HNRNPC: variants seen among roughly 807,000 people sequenced by gnomAD.
HNRNPC encodes heterogeneous nuclear ribonucleoproteins C1/C2.
HNRNPC carries 3 observed loss-of-function variants against 33.2 expected under a neutral mutation model. The ratio of observed to expected loss-of-function variants is 0.09; its 90% CI spans 0.04 to 0.23. The LOEUF (loss-of-function observed/expected upper bound fraction) is 0.23. HNRNPC is among the 10% of genes least tolerant of loss of function. The probability of loss-of-function intolerance (pLI) is 1.00; values close to 1 mark genes in which losing one functional copy is unlikely to be tolerated. For synonymous variants in HNRNPC, 121 were observed against 126.7 expected (o/e 0.96, Z 0.30); for missense variants, 143 against 366.7 (o/e 0.39, Z 4.98).
chr14:21,251,260 C>CAAAAA (rs71419116), intron 2 of HNRNPC, among the ~76,000 whole-genome samples: 29 of 49,452 alleles, frequency 5.9e-4, no homozygotes, highest in African/African-American at 1.3e-3. Context: ...GACTCCCTCT[C>CAAAAA]AAAAAAAAAA....
rs1279113981 is a variant in HNRNPC at position 21,251,285 on chromosome 14, G to T, written c.-37+12026C>A. ...CAAAAAAAAAAAAAAAAAAAAAAAA[G>T]ACTTCATTTCCTTGTTATCTTACAG... On this transcript the variant is annotated intron_variant, in intron 2 of 8. Transcript: ENST00000553300. Among the ~76,000 whole-genome samples, 7 of 66,556 alleles carry T rather than the reference G, an allele frequency of 1.1e-4. No individual in the cohort carries two copies. The East Asian group carries it at 2.3e-3, about 22-fold the overall frequency. The allele number at this position is 66,556 out of a possible 152,430, so 43.7% of individuals were successfully genotyped here. A position where few individuals can be genotyped will look rare whatever the true frequency, so the allele number is the denominator to read the frequency against.
In HNRNPC at chr14:21,219,191, TAAG is replaced by T. The variant is rs1233100383; in HGVS notation, c.366-6077_366-6075del. ...TTCTCATTTTATCAACATAGAAGAG[TAAG>T]AAGTTCTTTCACTTACAATAAAATT... On this transcript the variant is annotated intron_variant, in intron 5 of 8. Coordinates refer to ENST00000553300, the MANE Select transcript of HNRNPC (RefSeq NM_004500.4). Among the ~76,000 whole-genome samples the T allele has an allele frequency of 3.3e-5, 5 of 150,304 alleles. No individual in the cohort carries two copies. The South Asian group carries it at 6.3e-4, about 19-fold the overall frequency.
chr14:21,218,646 C>T (rs1230856086), intron 5 of HNRNPC, among the ~76,000 whole-genome samples: 3 of 122,616 alleles, frequency 2.4e-5, no homozygotes, highest in African/African-American at 9.7e-5. Context: ...CGCACCACTG[C>T]ATTCCAGCCT....
At chr14:21,249,593 C>CAAAAAAAAAA (rs756880620) in intron 2 of HNRNPC, among the ~76,000 whole-genome samples, 100 of 83,304 alleles carry the variant, frequency 1.2e-3, no homozygotes, top group East Asian at 3.3e-3. Context: ...GTCTCAAAAA[C>CAAAAAAAAAA]AAAAAAAAAA....
chr14:21,230,040 C>A (rs1331739624), intron 5 of HNRNPC, among the ~76,000 whole-genome samples: 1 of 152,168 alleles, frequency 6.6e-6, no homozygotes, highest in African/African-American at 2.4e-5. Flanking sequence ...CCAAAGCCAC[C>A]CATAACCCAG....
At chr14:21,267,240 C>T (rs1384555591) in intron 1 of HNRNPC, among the ~76,000 whole-genome samples, 2 of 151,986 alleles carry the variant, frequency 1.3e-5, no homozygotes, top group African/African-American at 4.8e-5. Context: ...TCTAAGTCCC[C>T]TTATTTGCCT....
chr14:21,254,127 G>C (rs1181197427), intron 2 of HNRNPC, among the ~76,000 whole-genome samples: 2 of 150,298 alleles, frequency 1.3e-5, no homozygotes, highest in Non-Finnish European at 2.9e-5. Context: ...GCATACCCTT[G>C]AATAATTATA....
Position 21,233,679 on chromosome 14 carries a change from G to C in HNRNPC, c.241+274C>G, listed in dbSNP as rs148319445. ...GCTGTGGGCAGGACACAACCATTTA[G>C]GCAACGTTTTTACATTGTGAAGTGT... On this transcript the variant is annotated intron_variant, in intron 3 of 8. Transcript: ENST00000553300. 8.0e-3 allele frequency among the ~76,000 whole-genome samples: 1,216 copies of C among 152,228 alleles called. 20 individuals are homozygous for C. The highest frequency in any genetic ancestry group is 0.028 in the African/African-American group (1,159 of 41,532).
intron 2 of HNRNPC, among the ~76,000 whole-genome samples, chr14:21,237,400 A>C (rs548736836): frequency 1.8e-4 from 27 of 152,332 alleles, no homozygotes; most frequent in African/African-American, 6.5e-4. Context: ...AAGAATCCAC[A>C]GTATTAACTT....
At chr14:21,228,594 A>T (rs1396553758) in intron 5 of HNRNPC, among the ~76,000 whole-genome samples, 2 of 151,914 alleles carry the variant, frequency 1.3e-5, no homozygotes, top group Non-Finnish European at 2.9e-5. Flanking sequence ...GGGTTCCACC[A>T]TATTGCCCAG....
chr14:21,254,894 C>A (rs1049955481), intron 2 of HNRNPC, among the ~76,000 whole-genome samples: 3 of 151,062 alleles, frequency 2.0e-5, no homozygotes, highest in Non-Finnish European at 4.4e-5. Context: ...TGCACTCCAG[C>A]CTGGGCAACA....
intron 3 of HNRNPC, 66 bp from the exon 4 acceptor site, chr14:21,231,138 AT>A (rs1288341006): frequency 6.2e-5 from 91 of 1,460,984 alleles, no homozygotes; most frequent in Non-Finnish European, 7.9e-5. Flanking sequence ...TACAAAGTTT[AT>A]TTTTTTTATT....
intron 3 of HNRNPC, chr14:21,231,443 AC>A (rs1894104230): frequency 4.8e-5 from 22 of 456,956 alleles, no homozygotes; most frequent in South Asian, 3.3e-4. Context: ...TACAGCCTAG[AC>A]CTCCGAAGCT....
intron 5 of HNRNPC, among the ~76,000 whole-genome samples, chr14:21,227,212 A>T (rs181992904): frequency 1.3e-4 from 20 of 150,994 alleles, no homozygotes; most frequent in South Asian, 6.3e-4. Flanking sequence ...CTAAACAAAC[A>T]CTCCTCCTCC....
intron 2 of HNRNPC, among the ~76,000 whole-genome samples, chr14:21,245,084 C>CAAAAAAAAAAAAAAAAAA (rs71112560): frequency 1.8e-5 from 1 of 54,624 alleles, no homozygotes; most frequent in African/African-American, 6.4e-5. Context: ...GACTCCATCT[C>CAAAAAAAAAAAAAAAAAA]AAAAAAAAAA....
At chr14:21,248,086 C>CA (rs930451170) in intron 2 of HNRNPC, among the ~76,000 whole-genome samples, 17 of 151,966 alleles carry the variant, frequency 1.1e-4, no homozygotes, top group Non-Finnish European at 2.4e-4. Context: ...AGAGTATAAA[C>CA]AAAAAACTTT....
At chr14:21,255,304 A>T (rs182737300) in intron 2 of HNRNPC, among the ~76,000 whole-genome samples, 1 of 152,342 alleles carries the variant, frequency 6.6e-6, no homozygotes, top group African/African-American at 2.4e-5. Flanking sequence ...TAATTAGAAA[A>T]CAGGAAGAAT....
chr14:21,241,008 C>T (rs984941251), intron 2 of HNRNPC, among the ~76,000 whole-genome samples: 14 of 152,126 alleles, frequency 9.2e-5, no homozygotes, highest in Non-Finnish European at 1.5e-4. Flanking sequence ...CGAAGGCTCA[C>T]GCCTGTAATC....
At chr14:21,238,345 G>C (rs1249477341) in intron 2 of HNRNPC, among the ~76,000 whole-genome samples, 2 of 152,084 alleles carry the variant, frequency 1.3e-5, no homozygotes, top group African/African-American at 4.8e-5. Context: ...CAATACATAG[G>C]AGACATAAAT....
Sources: allele counts gnomAD v4.1 joint callset (sites outside exome capture counted in the v4.1 genomes callset), GRCh38; gene constraint gnomAD v4.1.1; transcripts MANE v1.5; gene names NCBI Gene and HGNC (gene_info 2026-07-23, HGNC 2026-07-21).